SECISBP2L: variants seen among roughly 807,000 people sequenced by gnomAD.
SECISBP2L encodes the protein selenocysteine insertion sequence-binding protein 2-like.
A neutral mutation model predicts 114.7 loss-of-function variants in SECISBP2L; 43 were observed. That is an observed-to-expected ratio of 0.38 (90% confidence interval 0.29 to 0.48). The LOEUF (loss-of-function observed/expected upper bound fraction) is 0.48. Ranked by LOEUF, SECISBP2L falls within the 20% of genes least tolerant of loss-of-function variation. The pLI, the probability that SECISBP2L is intolerant of heterozygous loss-of-function variation, is 0.98. For missense variants in SECISBP2L, 1,136 were observed against 1,301.1 expected (o/e 0.87, Z 1.95); for synonymous variants, 451 against 439.7 (o/e 1.03, Z -0.32).
chr15:49,000,053 T>G, intron 15 of SECISBP2L, 66 bp from the exon 16 acceptor site: 4 of 1,545,006 alleles, frequency 2.6e-6, no homozygotes, highest in Non-Finnish European at 3.5e-6. Context: ...GCACACCCGA[T>G]AGCTAAAGCA....
chr15:49,044,225 G>A (rs376265893), intron 1 of SECISBP2L, among the ~76,000 whole-genome samples: 2 of 152,036 alleles, frequency 1.3e-5, no homozygotes, highest in Non-Finnish European at 2.9e-5. Flanking sequence ...TTTCAATGAC[G>A]TCAATCTACC....
chr15:49,032,716 C>A (rs145392286), intron 4 of SECISBP2L, among the ~76,000 whole-genome samples: 1 of 152,198 alleles, frequency 6.6e-6, no homozygotes, highest in South Asian at 2.1e-4. Flanking sequence ...ATTTCTGAAC[C>A]GCTCCATTAT....
At chr15:49,032,827 G>T in intron 4 of SECISBP2L, 138 bp downstream of exon 4, 1 of 1,144,388 alleles carries the variant, frequency 8.7e-7, no homozygotes, top group Non-Finnish European at 1.2e-6. Context: ...ATCCTTCCTA[G>T]AGAATTTCAC....
chr15:49,009,378 T>A lies in SECISBP2L; in HGVS notation c.1865A>T (p.Asp622Val). 1 of 1,611,032 alleles carries A rather than the reference T, an allele frequency of 6.2e-7. No individual in the cohort carries two copies. The highest frequency in any genetic ancestry group is 1.7e-5 in the Admixed American group (1 of 59,342). ...ATCACTGGGCATGCTTAGTCCAGTA[T>A]CTGTGGAGATGTGGAGTGAAGGGAA... ...DLPQEIVSQE[D>V]TGLSMPSDTS... Residue 622 changes from aspartate (D) to valine (V), a missense_variant and splice_region_variant, in exon 14 of 18, where the codon GAT becomes GTT. By Grantham distance (152) the Asp-to-Val change is radical. Coordinates refer to ENST00000559471, the MANE Select transcript of SECISBP2L (RefSeq NM_001193489.2).
At chr15:49,040,164 T>C (rs1248254796) in intron 1 of SECISBP2L, among the ~76,000 whole-genome samples, 1 of 152,174 alleles carries the variant, frequency 6.6e-6, no homozygotes, top group Non-Finnish European at 1.5e-5. Context: ...TTAAAAGGTA[T>C]TATGTATAAT....
rs760243617 is a variant in SECISBP2L at position 49,016,551 on chromosome 15, T to C, written c.1561+9A>G. 6.3e-7 allele frequency: 1 copy of C among 1,583,836 alleles called. No individual in the cohort carries two copies. Among genetic ancestry groups the C allele is most frequent in the Non-Finnish European group, 8.6e-7 (1 of 1,169,516 alleles). ...ACAAACAGCAAATTGCTCAGACTAA[T>C]GATATCACCTGTATATGACAGAGGT... On this transcript the variant is annotated intron_variant, in intron 11 of 17. Transcript: ENST00000559471.
rs139854856 is a variant in SECISBP2L at position 49,040,941 on chromosome 15, TA to T, written c.25-3173del. On this transcript the variant is annotated intron_variant, in intron 1 of 17. Transcript: ENST00000559471. ...TGTTTTAATTATATTATTATACAAA[TA>T]AAAAAAAAAGCCTTGCATAGTGAAC... 6.1e-4 allele frequency among the ~76,000 whole-genome samples: 89 copies of T among 145,476 alleles called. 1 individual carries two copies. The highest frequency in any genetic ancestry group is 7.7e-4 in the Non-Finnish European group (51 of 65,844).
rs1244595844 is a variant in SECISBP2L, at chr15:48,992,885, C to G, written c.2665G>C (p.Glu889Gln). The change falls in exon 18 of 18, where the codon GAA becomes CAA. Residue 889 changes from glutamate to glutamine, a missense_variant. By Grantham distance (29) the Glu-to-Gln change is conservative. Transcript: ENST00000559471. ...RNMVETSDGL[E>Q]ASENEKEVSC... Reference sequence around the variant, plus strand: ...ACCTCTTTCTCATTTTCTGATGCTTCCAGTCCATCTGAAGTTTCCACCATG... The same window carrying G: ...ACCTCTTTCTCATTTTCTGATGCTTGCAGTCCATCTGAAGTTTCCACCATG... The G allele has an allele frequency of 1.9e-6, 3 of 1,614,060 alleles. No homozygotes were observed. The highest frequency in any genetic ancestry group is 2.5e-6 in the Non-Finnish European group (3 of 1,179,956).
At chr15:49,005,892 G>A (rs4774536) in intron 14 of SECISBP2L, among the ~76,000 whole-genome samples, 76,062 of 151,774 alleles carry the variant, frequency 0.5, 21,275 homozygotes, top group Non-Finnish European at 0.63. Flanking sequence ...GGCTGGTACC[G>A]GTTTTTCCTT....
In SECISBP2L at chr15:49,012,965, G is replaced by A. The variant is rs1212025484; in HGVS notation, c.1562-148C>T. ...GGAGCACTATACATGGCTAGGCAGT[G>A]TCCCTCAGATACAGCTTTTACCTAT... On this transcript the variant is annotated intron_variant, in intron 11 of 17. Transcript: ENST00000559471. 4 of 710,788 alleles carry A rather than the reference G, an allele frequency of 5.6e-6. No individual in the cohort carries two copies. In the East Asian group the frequency reaches 1.1e-4, roughly 19 times the overall value. The allele number at this position is 710,788 out of a possible 1,614,324, so 44.0% of individuals were successfully genotyped here.
chr15:49,019,493 CTT>C lies in SECISBP2L; in HGVS notation c.1093_1094del (p.Lys365GlufsTer4). ...TSSERRQNLQKRPDNKHLSSS... is the reference protein window; with the variant it reads ...TSSERRQNLQXRPDNKHLSSS... ...AGCTTAAATGCTTATTATCTGGTCT[CTT>C]TTGCAAATTCTGTCTTCTTTCTGAG... On this transcript the variant is annotated frameshift_variant, in exon 8 of 18. Coordinates refer to ENST00000559471, the MANE Select transcript of SECISBP2L (RefSeq NM_001193489.2). LOFTEE classifies it high-confidence loss of function. 6.6e-7 allele frequency: 1 copy of C among 1,511,870 alleles called. No individual in the cohort carries two copies. Among genetic ancestry groups the C allele is most frequent in the Non-Finnish European group, 8.8e-7 (1 of 1,137,050 alleles). The allele number at this position is 1,511,870 out of a possible 1,614,324, so 93.7% of individuals were successfully genotyped here.
At chr15:49,032,384 A>C (rs775032662) in intron 4 of SECISBP2L, among the ~76,000 whole-genome samples, 2 of 152,332 alleles carry the variant, frequency 1.3e-5, no homozygotes, top group Non-Finnish European at 2.9e-5. Context: ...ACATTGTAAG[A>C]ATACTAATTC....
intron 1 of SECISBP2L, 41 bp downstream of exon 1, chr15:49,046,235 C>A (rs1357309701): frequency 6.4e-7 from 1 of 1,570,652 alleles, no homozygotes; most frequent in Non-Finnish European, 8.6e-7. Context: ...AAGCGGCGAC[C>A]CCAACCCCCG....
intron 14 of SECISBP2L, among the ~76,000 whole-genome samples, chr15:49,002,809 T>C (rs895252090): frequency 6.6e-5 from 10 of 152,244 alleles, no homozygotes; most frequent in African/African-American, 2.4e-4. Flanking sequence ...TCCATCGGTC[T>C]ATGTATCTGT....
intron 4 of SECISBP2L, among the ~76,000 whole-genome samples, chr15:49,031,856 AG>A (rs1393870508): frequency 2.0e-5 from 3 of 152,228 alleles, no homozygotes; most frequent in Non-Finnish European, 4.4e-5. Context: ...AAGCCTTCCC[AG>A]GGTTAAAAGC....
chr15:49,012,267 A>G lies in SECISBP2L; in HGVS notation c.1731+381T>C, dbSNP rs150949516. 7.9e-5 allele frequency among the ~76,000 whole-genome samples: 12 copies of G among 152,360 alleles called. No homozygotes were observed. In the East Asian group the frequency reaches 2.3e-3, roughly 29 times the overall value. On this transcript the variant is annotated intron_variant, in intron 12 of 17. Transcript: ENST00000559471. ...CCTTTTAACAATAGTGAGTTAAATCAAATATGCTCCCCAATTTATAGATGA... is the reference window on the plus strand; with the variant it reads ...CCTTTTAACAATAGTGAGTTAAATCGAATATGCTCCCCAATTTATAGATGA...
intron 13 of SECISBP2L, among the ~76,000 whole-genome samples, chr15:49,010,955 G>C (rs770891641): frequency 6.6e-6 from 1 of 152,176 alleles, no homozygotes; most frequent in Non-Finnish European, 1.5e-5. Flanking sequence ...ATAAACATTT[G>C]CTGAATGAAT....
rs545146648 is a variant in SECISBP2L, at chr15:49,008,234, C to CA, written c.2027+981dup. ...AATCTGTGCCTGTTCTTCTTTAGTG[C>CA]AAAAAAGTTTGCAGGGGAATTTTTT... On this transcript the variant is annotated intron_variant, in intron 14 of 17. Transcript: ENST00000559471. Among the ~76,000 whole-genome samples, 191 of 152,040 alleles carry CA rather than the reference C, an allele frequency of 1.3e-3. 2 individuals are homozygous for CA. In the South Asian group the frequency reaches 0.015, roughly 12 times the overall value.
intron 9 of SECISBP2L, 94 bp downstream of exon 9, chr15:49,017,454 A>G: frequency 2.6e-6 from 2 of 784,168 alleles, no homozygotes; most frequent in South Asian, 3.1e-5. Flanking sequence ...CTGCTGCTCC[A>G]TGTGCCTTTA....
Sources: allele counts gnomAD v4.1 joint callset (sites outside exome capture counted in the v4.1 genomes callset), GRCh38; gene constraint gnomAD v4.1.1; transcripts MANE v1.5; gene names NCBI Gene and HGNC (gene_info 2026-07-23, HGNC 2026-07-21).